CFAP119: variants seen among roughly 807,000 people sequenced by gnomAD.
CFAP119 encodes cilia- and flagella-associated protein 119.
chr16:30,757,836 T>C, the CFAP119 span: 3 of 1,404,750 alleles, frequency 2.1e-6, no homozygotes, highest in Non-Finnish European at 2.8e-6. Context: ...GTAGGGTGGC[T>C]ATGCTGGACT....
At chr16:30,761,818 G>A in the CFAP119 span, 4 of 1,393,684 alleles carry the variant, frequency 2.9e-6, no homozygotes, top group Middle Eastern at 2.5e-4. Context: ...GCCAGCGCTC[G>A]GTCGGCGGCT....
the CFAP119 span, chr16:30,761,931 T>G: frequency 1.6e-6 from 1 of 622,610 alleles, no homozygotes; most frequent in Non-Finnish European, 2.7e-6. Flanking sequence ...ACGGCGACGG[T>G]TGCCAAGGGG....
the CFAP119 span, chr16:30,761,191 C>A: frequency 6.2e-7 from 1 of 1,613,826 alleles, no homozygotes; most frequent in Non-Finnish European, 8.5e-7. Flanking sequence ...TGTCTCTTCA[C>A]ACTCACCACA....
chr16:30,760,831 A>G, the CFAP119 span: 3 of 678,028 alleles, frequency 4.4e-6, no homozygotes, highest in Middle Eastern at 1.0e-3. Flanking sequence ...GGCCTAAATG[A>G]ACTCTTATGA....
chr16:30,757,715 G>A, the CFAP119 span: 1 of 1,537,938 alleles, frequency 6.5e-7, no homozygotes, highest in Non-Finnish European at 8.8e-7. Context: ...ATGGGGGGAT[G>A]GTCCCTAGTT....
chr16:30,761,401 C>G, the CFAP119 span: 4 of 1,384,270 alleles, frequency 2.9e-6, no homozygotes, highest in Middle Eastern at 1.8e-4. Context: ...AGCACAGTAA[C>G]CACCGGGGTC....
the CFAP119 span, chr16:30,758,895 C>T: frequency 6.7e-7 from 1 of 1,498,666 alleles, no homozygotes; most frequent in Non-Finnish European, 8.9e-7. Flanking sequence ...CATAAGGGAT[C>T]ATTTAGAGAA....
At chr16:30,759,134 C>G in the CFAP119 span, 4 of 1,614,166 alleles carry the variant, frequency 2.5e-6, no homozygotes, top group Non-Finnish European at 3.4e-6. Context: ...GACTGTGGCC[C>G]CAGGCCTGGC....
chr16:30,760,479 A>C, the CFAP119 span: 1 of 1,612,912 alleles, frequency 6.2e-7, no homozygotes, highest in Admixed American at 1.7e-5. Context: ...GGAGTGAGTG[A>C]CAACTGGGCC....
the CFAP119 span, chr16:30,758,888 AAGGG>A: frequency 6.7e-7 from 1 of 1,481,704 alleles, no homozygotes; most frequent in South Asian, 1.3e-5. Flanking sequence ...ACTTCTGCAT[AAGGG>A]ATCATTTAGA....
At chr16:30,757,693 T>TG in the CFAP119 span, 8 of 1,573,584 alleles carry the variant, frequency 5.1e-6, no homozygotes, top group African/African-American at 5.4e-5. Context: ...TGAGGAGAGA[T>TG]GCTGTCTGGC....
chr16:30,760,895 C>T, the CFAP119 span: 1 of 618,480 alleles, frequency 1.6e-6, no homozygotes, highest in East Asian at 2.7e-5. Flanking sequence ...TTTTTCTGCT[C>T]TGCCACTACC....
the CFAP119 span, chr16:30,761,500 C>G: frequency 5.9e-6 from 9 of 1,533,318 alleles, no homozygotes; most frequent in African/African-American, 1.1e-4. Flanking sequence ...GCGGGGGAGC[C>G]GGTTTATAAA....
chr16:30,760,802 G>T, the CFAP119 span: 1 of 774,086 alleles, frequency 1.3e-6, no homozygotes, highest in Non-Finnish European at 2.2e-6. Context: ...GTGTGACTAT[G>T]CAAATCGTTA....
At chr16:30,757,684 G>A in the CFAP119 span, 11 of 1,587,028 alleles carry the variant, frequency 6.9e-6, no homozygotes, top group African/African-American at 1.1e-4. Context: ...GGGGCAGGGT[G>A]AGGAGAGATG....
chr16:30,759,201 T>G, the CFAP119 span: 1 of 1,614,166 alleles, frequency 6.2e-7, no homozygotes, highest in Admixed American at 1.7e-5. Context: ...TGGCCACAGT[T>G]TGGGTGGCTG....
the CFAP119 span, chr16:30,761,628 GC>G: frequency 2.6e-6 from 4 of 1,536,102 alleles, no homozygotes; most frequent in Non-Finnish European, 3.5e-6. Flanking sequence ...GCACGCGTCC[GC>G]GCGGCCGACC....
the CFAP119 span, chr16:30,757,568 T>C: frequency 1.2e-6 from 2 of 1,614,110 alleles, no homozygotes; most frequent in Non-Finnish European, 1.7e-6. Context: ...TCGCTGGCCT[T>C]GAGCCGCTCC....
the CFAP119 span, chr16:30,760,142 G>C: frequency 1.3e-6 from 2 of 1,567,942 alleles, no homozygotes; most frequent in Non-Finnish European, 1.7e-6. Flanking sequence ...GGATTGGAAA[G>C]CTGATGGCTT....
Sources: allele counts gnomAD v4.1 joint callset, GRCh38; gene constraint gnomAD v4.1.1; transcripts MANE v1.5; gene names NCBI Gene and HGNC (gene_info 2026-07-23, HGNC 2026-07-21).